TP63: variants seen among roughly 807,000 people sequenced by gnomAD.
The protein encoded by TP63 is tumor protein p63, also known as tumor protein 63.
A neutral mutation model predicts 82.8 loss-of-function variants in TP63; 17 were observed. The observed-to-expected ratio is 0.21, with a 90% CI of 0.14 to 0.31. TP63 has a LOEUF of 0.31. Ranked by LOEUF, TP63 falls within the 10% of genes least tolerant of loss-of-function variation. The pLI, the probability that TP63 is intolerant of heterozygous loss-of-function variation, is 1.00. For missense variants in TP63, 648 were observed against 895.3 expected (o/e 0.72, Z 3.52); for synonymous variants, 330 against 321.7 (o/e 1.03, Z -0.28).
rs139502382 is a variant in TP63, at chr3:189,657,591, G to T, written c.62+26014G>T. 4.1e-3 allele frequency among the ~76,000 whole-genome samples: 624 copies of T among 152,154 alleles called. 2 individuals carry two copies. The highest frequency in any genetic ancestry group is 9.9e-3 in the South Asian group (48 of 4,826). On this transcript the variant is annotated intron_variant, in intron 1 of 13. Coordinates refer to ENST00000264731, the MANE Select transcript of TP63 (RefSeq NM_003722.5). ...AATATTGCAACAACAAATGTATACT[G>T]GAATTGAACAATTAAACAAATGGAT... is the stretch of plus-strand genomic sequence containing the variant.
chr3:189,819,540 C>T (rs557273526), intron 4 of TP63, among the ~76,000 whole-genome samples: 2 of 151,856 alleles, frequency 1.3e-5, no homozygotes, highest in South Asian at 2.1e-4. Flanking sequence ...TGAGAACATG[C>T]GGTGTTTACA....
rs186034049 is a variant in TP63, at chr3:189,691,789, T to C, written c.63-45951T>C. ...AGACCATTCTCTTTTGTTTTTCTGT[T>C]GTTGTCCTTTGGGTTTCTGTTGTTA... On this transcript the variant is annotated intron_variant, in intron 1 of 13. Transcript: ENST00000264731. Among the ~76,000 whole-genome samples the C allele has an allele frequency of 2.7e-4, 41 of 152,306 alleles. 2 individuals are homozygous for C. The highest frequency in any genetic ancestry group is 9.6e-4 in the African/African-American group (40 of 41,574).
At position 189,738,734 on chromosome 3, in the gene TP63, G is replaced by A. The variant is rs752035368; in HGVS notation, c.284G>A (p.Cys95Tyr). ...AACAAGATTGAGATTAGCATGGACT[G>A]TATCCGCATGCAGGACTCGGACCTG... ...ATNKIEISMDCIRMQDSDLSD... is the reference protein window; with the variant it reads ...ATNKIEISMDYIRMQDSDLSD... The change falls in exon 3 of 14, where the codon TGT becomes TAT. Residue 95 changes from cysteine to tyrosine, a missense_variant. Around this residue, in one of 5 missense-constraint regions of TP63, gnomAD observed 182 missense variants for 213.6 expected, o/e 0.85. Coordinates refer to ENST00000264731, the MANE Select transcript of TP63 (RefSeq NM_003722.5). The A allele has an allele frequency of 3.1e-6, 5 of 1,614,028 alleles. No homozygotes were observed. Among genetic ancestry groups the A allele is most frequent in the Non-Finnish European group, 4.2e-6 (5 of 1,180,014 alleles).
At chr3:189,697,810 G>C (rs1717505368) in intron 1 of TP63, among the ~76,000 whole-genome samples, 1 of 151,354 alleles carries the variant, frequency 6.6e-6, no homozygotes, top group Non-Finnish European at 1.5e-5. Flanking sequence ...TTTCAGTTCT[G>C]TTATAAATTT....
At chr3:189,666,326 T>C (rs912037890) in intron 1 of TP63, among the ~76,000 whole-genome samples, 1 of 152,082 alleles carries the variant, frequency 6.6e-6, no homozygotes, top group African/African-American at 2.4e-5. Flanking sequence ...ATAAGACATA[T>C]TTGACATTCT....
At chr3:189,845,025 T>G (rs1444801573) in intron 4 of TP63, among the ~76,000 whole-genome samples, 1 of 152,164 alleles carries the variant, frequency 6.6e-6, no homozygotes, top group African/African-American at 2.4e-5. Flanking sequence ...AAAAGGACAT[T>G]TTTAATTTGG....
At position 189,799,803 on chromosome 3, in the gene TP63, C is replaced by T. The variant is rs574471082; in HGVS notation, c.325-8469C>T. Among the ~76,000 whole-genome samples the T allele has an allele frequency of 5.3e-5, 8 of 152,214 alleles. No homozygotes were observed. The South Asian group carries it at 6.2e-4, about 12-fold the overall frequency. On this transcript the variant is annotated intron_variant, in intron 3 of 13. Transcript: ENST00000264731. ...GAAATGAATCAAATTTGGACACAGA[C>T]TCAGGATAAAATAAATGATCAGTTG...
chr3:189,724,148 AAAT>A (rs1366923461), intron 1 of TP63, among the ~76,000 whole-genome samples: 4 of 151,970 alleles, frequency 2.6e-5, no homozygotes, highest in African/African-American at 9.7e-5. Flanking sequence ...CAGGCTGTAT[AAAT>A]TAAGCCATTC....
intron 1 of TP63, among the ~76,000 whole-genome samples, chr3:189,636,832 T>C (rs1729813021): frequency 6.6e-6 from 1 of 152,188 alleles, no homozygotes; most frequent in East Asian, 1.9e-4. Flanking sequence ...GGAGCACCTC[T>C]TACCACCACA....
intron 1 of TP63, among the ~76,000 whole-genome samples, chr3:189,715,593 G>A (rs1318200063): frequency 6.6e-6 from 1 of 152,128 alleles, no homozygotes; most frequent in African/African-American, 2.4e-5. Flanking sequence ...ATAAGGTCAC[G>A]GGTTGTGAGT....
chr3:189,889,511 G>T (rs367983802), intron 12 of TP63, 27 bp downstream of exon 12: 1 of 1,614,038 alleles, frequency 6.2e-7, no homozygotes, highest in African/African-American at 1.3e-5. Flanking sequence ...TGCCCCTGGG[G>T]GCCTGCCCTA....
intron 3 of TP63, among the ~76,000 whole-genome samples, chr3:189,806,040 CTTTTTTTT>C (rs34836784): frequency 1.9e-4 from 10 of 52,076 alleles, no homozygotes; most frequent in African/African-American, 7.8e-4. Context: ...GAAGCAAACA[CTTTTTTTT>C]TTTTTTTTTT....
intron 10 of TP63, among the ~76,000 whole-genome samples, chr3:189,885,550 G>A (rs986444361): frequency 1.3e-5 from 2 of 152,194 alleles, no homozygotes; most frequent in Non-Finnish European, 2.9e-5. Flanking sequence ...TCTCATTGTA[G>A]TACACATCAC....
intron 3 of TP63, among the ~76,000 whole-genome samples, chr3:189,796,915 G>A (rs1053710270): frequency 4.6e-5 from 7 of 152,004 alleles, no homozygotes; most frequent in African/African-American, 1.4e-4. Flanking sequence ...CAAAGACAAA[G>A]TACAAATGGA....
At chr3:189,737,897 T>C in intron 2 of TP63, 29 bp downstream of exon 2, 1 of 1,613,370 alleles carries the variant, frequency 6.2e-7, no homozygotes, top group Non-Finnish European at 8.5e-7. Flanking sequence ...AGAAATGTTT[T>C]GCTTGAGCTA....
At chr3:189,655,334 A>G (rs1713248147) in intron 1 of TP63, among the ~76,000 whole-genome samples, 1 of 152,170 alleles carries the variant, frequency 6.6e-6, no homozygotes, top group Admixed American at 6.5e-5. Context: ...GGCCACAAAC[A>G]AATCTGGAGA....
At chr3:189,653,531 T>C (rs1442814780) in intron 1 of TP63, among the ~76,000 whole-genome samples, 1 of 152,244 alleles carries the variant, frequency 6.6e-6, no homozygotes, top group African/African-American at 2.4e-5. Flanking sequence ...CTATGTTATG[T>C]AATTTTCCTA....
chr3:189,685,824 A>C (rs776625843), intron 1 of TP63, among the ~76,000 whole-genome samples: 10 of 152,220 alleles, frequency 6.6e-5, no homozygotes, highest in Non-Finnish European at 1.3e-4. Context: ...CAGAGGTAAT[A>C]TATTTCTCCT....
the TP63 span, among the ~76,000 whole-genome samples, chr3:189,618,800 T>C: frequency 6.6e-6 from 1 of 152,168 alleles, no homozygotes; most frequent in Non-Finnish European, 1.5e-5. Flanking sequence ...CTTCATATTA[T>C]ATATCCATTC....
Sources: allele counts gnomAD v4.1 joint callset (sites outside exome capture counted in the v4.1 genomes callset), GRCh38; gene constraint gnomAD v4.1.1; regional missense constraint gnomAD v4.1.1; transcripts MANE v1.5; gene names NCBI Gene and HGNC (gene_info 2026-07-23, HGNC 2026-07-21).